ZNF219: variants seen among roughly 807,000 people sequenced by gnomAD.
ZNF219 encodes zinc finger protein 219.
A neutral mutation model predicts 54.4 loss-of-function variants in ZNF219; 17 were observed. That is an observed-to-expected ratio of 0.31 (90% CI 0.21 to 0.47). ZNF219 has a LOEUF of 0.47. Among genes scored for constraint, ZNF219 ranks in the 20% least tolerant of loss-of-function variants. ZNF219 has a pLI of 1.00. For synonymous variants in ZNF219, 518 were observed against 476.4 expected (o/e 1.09, Z -1.14); for missense variants, 1,014 against 1,062.3 (o/e 0.95, Z 0.63).
intron 3 of ZNF219, 141 bp downstream of exon 3, chr14:21,091,724 A>T (rs1888891482): frequency 6.9e-7 from 1 of 1,445,096 alleles, no homozygotes; most frequent in Non-Finnish European, 9.1e-7. Flanking sequence ...CAAAGCCTCC[A>T]GGAAAACAAA....
In ZNF219 at chr14:21,094,312, G is replaced by A. The variant is rs542391376; in HGVS notation, c.-83-638C>T. 4.0e-5 allele frequency: 18 copies of A among 452,056 alleles called. No homozygotes were observed. In the East Asian group the frequency reaches 7.7e-4, roughly 19 times the overall value. 28.0% of individuals were successfully genotyped at this position (452,056 alleles called of 1,614,324 possible). A position where few individuals can be genotyped will look rare whatever the true frequency, so the allele number is the denominator to read the frequency against. ...AGGGGGAGGGAGCCAGAGGGAGAGG[G>A]AATGAAGAGAGAGTTGGGGGAGGAG... On this transcript the variant is annotated intron_variant, in intron 1 of 4. Coordinates refer to ENST00000360947, the MANE Select transcript of ZNF219 (RefSeq NM_016423.3).
chr14:21,092,563 TG>T lies in ZNF219; in HGVS notation c.733del (p.Gln245SerfsTer77). On this transcript the variant is annotated frameshift_variant, in exon 3 of 5. Coordinates refer to ENST00000360947, the MANE Select transcript of ZNF219 (RefSeq NM_016423.3). LOFTEE classifies it high-confidence loss of function. ...PPQPEPRSVP[Q>X]PEPEPEPERE... ...TTCGGGCTCCGGCTCCGGCTCCGGC[TG>T]GGGGACTGATCTGGGTTCGGGCTGG... 1 of 1,547,934 alleles carries T rather than the reference TG, an allele frequency of 6.5e-7. No homozygotes were observed.
At position 21,098,457 on chromosome 14, in the gene ZNF219, C is replaced by G; in HGVS notation, c.-229G>C. ...CCCCGCCCCCGGCCCGGCCCCCGCCCCCTCCCCGGTCCCCCGCCCCCGGCC... is the reference window on the plus strand; with the variant it reads ...CCCCGCCCCCGGCCCGGCCCCCGCCGCCTCCCCGGTCCCCCGCCCCCGGCC... On this transcript the variant is annotated 5_prime_UTR_variant, in exon 1 of 5. Transcript: ENST00000360947. The G allele has an allele frequency of 1.1e-6, 1 of 934,398 alleles. No homozygotes were observed. Among genetic ancestry groups the G allele is most frequent in the South Asian group, 4.9e-5 (1 of 20,356 alleles). The allele number at this position is 934,398 out of a possible 1,614,324, so 57.9% of individuals were successfully genotyped here.
chr14:21,102,930 A>T, upstream of ZNF219: 1 of 1,366,918 alleles, frequency 7.3e-7, no homozygotes, highest in Non-Finnish European at 9.8e-7. Context: ...TCTGGCTTTG[A>T]ACATTTCTCC....
intron 1 of ZNF219, among the ~76,000 whole-genome samples, chr14:21,094,980 A>C (rs1317036191): frequency 6.6e-6 from 1 of 151,676 alleles, no homozygotes; most frequent in African/African-American, 2.4e-5. Context: ...AGGCATCACA[A>C]AACTGAAATG....
chr14:21,097,014 A>G (rs145462239), intron 1 of ZNF219, among the ~76,000 whole-genome samples: 115 of 152,280 alleles, frequency 7.6e-4, no homozygotes, highest in African/African-American at 2.4e-3. Context: ...GCTAACAATT[A>G]TGATTACCAC....
upstream of ZNF219, among the ~76,000 whole-genome samples, chr14:21,100,369 T>TATAATA (rs3061999): frequency 0.29 from 43,011 of 149,188 alleles, 7,347 homozygotes; most frequent in East Asian, 0.43. Flanking sequence ...GTCTCAATAA[T>TATAATA]ATAATAATAA....
upstream of ZNF219, chr14:21,103,342 G>A (rs1889769342): frequency 2.7e-6 from 4 of 1,479,520 alleles, no homozygotes; most frequent in South Asian, 1.4e-5. Flanking sequence ...TAGGAAGTCC[G>A]GGAGTGCCTT....
upstream of ZNF219, chr14:21,103,459 C>T: frequency 2.5e-6 from 2 of 816,182 alleles, no homozygotes; most frequent in South Asian, 1.9e-5. Flanking sequence ...GCTGCTTTCT[C>T]CCTTGCATCC....
At chr14:21,102,893 GT>G, upstream of ZNF219, 1 of 1,438,828 alleles carries the variant, frequency 7.0e-7, no homozygotes, top group Non-Finnish European at 9.2e-7. Flanking sequence ...AAAAGAAGAG[GT>G]CCTAGAATGA....
At position 21,098,448 on chromosome 14, in the gene ZNF219, GC is replaced by G; in HGVS notation, c.-221del. The G allele has an allele frequency of 1.2e-6, 1 of 834,590 alleles. No homozygotes were observed. Among genetic ancestry groups the G allele is most frequent in the Non-Finnish European group, 1.4e-6 (1 of 695,994 alleles). The allele number at this position is 834,590 out of a possible 1,614,324, so 51.7% of individuals were successfully genotyped here. The stretch of plus-strand genomic sequence containing the variant: ...CCCCGGCCCCCCCGCCCCCGGCCCG[GC>G]CCCCGCCCCCTCCCCGGTCCCCCGC... On this transcript the variant is annotated 5_prime_UTR_variant, in exon 1 of 5. An upstream open reading frame in the 5' UTR loses its in-frame stop. Transcript: ENST00000360947.
chr14:21,098,048 C>T (rs1237932383), intron 1 of ZNF219, among the ~76,000 whole-genome samples: 4 of 150,976 alleles, frequency 2.6e-5, no homozygotes, highest in Non-Finnish European at 5.9e-5. Flanking sequence ...TCTGCTCCCC[C>T]AGCTCTTCCA....
chr14:21,100,369 T>TATAATAATAATAATA (rs3061999), upstream of ZNF219, among the ~76,000 whole-genome samples: 510 of 149,416 alleles, frequency 3.4e-3, 1 homozygote, highest in Middle Eastern at 7.1e-3. Flanking sequence ...GTCTCAATAA[T>TATAATAATAATAATA]ATAATAATAA....
Position 21,092,903 on chromosome 14 carries a change from C to A in ZNF219, c.394G>T (p.Ala132Ser). The A allele has an allele frequency of 6.5e-7, 1 of 1,548,700 alleles. No individual in the cohort carries two copies. The change falls in exon 3 of 5, where the codon GCC becomes TCC. Residue 132 changes from alanine (A) to serine (S), a missense_variant. Around this residue, in one of 5 missense-constraint regions of ZNF219, gnomAD observed 395 missense variants for 415.1 expected, o/e 0.95. Transcript: ENST00000360947. The part of the protein sequence containing the change: ...ELEERALLRE[A>S]RLGRARSSGG... ...GAGCTTCGGGCTCTCCCCAGTCGGG[C>A]CTCGCGTAGTAGCGCGCGCTCTTCC...
At position 21,098,485 on chromosome 14, in the gene ZNF219, G is replaced by A. The variant is rs1889440212; in HGVS notation, c.-257C>T. On this transcript the variant is annotated 5_prime_UTR_variant, in exon 1 of 5. It introduces an in-frame stop codon into an upstream open reading frame of the 5' UTR. Coordinates refer to ENST00000360947, the MANE Select transcript of ZNF219 (RefSeq NM_016423.3). ...TCCCCGGTCCCCCGCCCCCGGCCCTGGCCCGCATTGTGTGCGGCGGGAGGC... is the reference window on the plus strand; with the variant it reads ...TCCCCGGTCCCCCGCCCCCGGCCCTAGCCCGCATTGTGTGCGGCGGGAGGC... 1.0e-6 allele frequency: 1 copy of A among 980,828 alleles called. No homozygotes were observed. Among genetic ancestry groups the A allele is most frequent in the Admixed American group, 6.2e-5 (1 of 16,036 alleles). The allele number at this position is 980,828 out of a possible 1,614,324, so 60.8% of individuals were successfully genotyped here.
upstream of ZNF219, chr14:21,101,883 G>A (rs1446116658): frequency 3.9e-6 from 6 of 1,551,552 alleles, no homozygotes; most frequent in African/African-American, 1.4e-5. Flanking sequence ...GCTATGGCTG[G>A]CAGTGGTTGT....
upstream of ZNF219, chr14:21,101,251 T>A (rs567298554): frequency 1.7e-6 from 2 of 1,172,654 alleles, no homozygotes; most frequent in Non-Finnish European, 2.4e-6. Context: ...AGCTGAAAGA[T>A]ACGTTGTTGC....
At chr14:21,104,457 G>A (rs1447666702) in intron 1 of ZNF219, 1 of 152,292 alleles carries the variant, frequency 6.6e-6, no homozygotes, top group African/African-American at 2.4e-5. Context: ...TGGGCAGCTT[G>A]CTGGCCGCTA....
In ZNF219 at chr14:21,091,188, G is replaced by A. The variant is rs762932230; in HGVS notation, c.1565-48C>T. ...GGTCACGGGGTCACGATGACTGCAC[G>A]CACCCACCCGAATTTCGCCCAATTT... On this transcript the variant is annotated intron_variant, in intron 4 of 4. Transcript: ENST00000360947. The A allele has an allele frequency of 1.9e-6, 3 of 1,550,086 alleles. No homozygotes were observed. The South Asian group carries it at 3.5e-5, about 18-fold the overall frequency.
Sources: gnomAD v4.1 joint callset for allele counts (sites outside exome capture counted in the v4.1 genomes callset) on GRCh38, gnomAD v4.1.1 for gene constraint, gnomAD v4.1.1 regional missense constraint, MANE v1.5 for transcripts, NCBI Gene and HGNC (gene_info 2026-07-23, HGNC 2026-07-21) for gene names.